The following CCDC158 variants were observed in gnomAD, a reference collection of about 807,000 sequenced individuals.
CCDC158 encodes coiled-coil domain-containing protein 158.
Under a neutral mutation model 138.6 loss-of-function variants are expected in CCDC158, and 116 were observed. The ratio of observed to expected loss-of-function variants is 0.84; its 90% CI spans 0.72 to 0.98. The LOEUF (loss-of-function observed/expected upper bound fraction) is 0.98. CCDC158 is among the 50% of genes least tolerant of loss of function. The pLI is 0.00. For missense variants in CCDC158, 1,265 were observed against 1,306.1 expected (o/e 0.97, Z 0.48); for synonymous variants, 436 against 442.4 (o/e 0.99, Z 0.18).
intron 15 of CCDC158, among the ~76,000 whole-genome samples, chr4:76,354,503 ATCT>A (rs1394119116): frequency 2.0e-5 from 3 of 152,268 alleles, no homozygotes; most frequent in South Asian, 2.1e-4. Context: ...TCTGTTATAA[ATCT>A]TCTTCTGAAA....
chr4:76,403,910 G>A (rs1296705488), intron 2 of CCDC158, among the ~76,000 whole-genome samples: 1 of 152,136 alleles, frequency 6.6e-6, no homozygotes, highest in East Asian at 1.9e-4. Flanking sequence ...AAATGGGAGG[G>A]AAGAGGTAAG....
chr4:76,370,644 G>A (rs897311704), intron 10 of CCDC158, among the ~76,000 whole-genome samples: 1 of 152,184 alleles, frequency 6.6e-6, no homozygotes, highest in Admixed American at 6.5e-5. Context: ...GAGAGGTGGT[G>A]ATGGTAAGAA....
intron 12 of CCDC158, 41 bp from the exon 13 acceptor site, chr4:76,362,356 AT>A (rs1724232626): frequency 1.4e-6 from 2 of 1,438,890 alleles, no homozygotes; most frequent in Non-Finnish European, 1.9e-6. Context: ...GAAGTAAAAA[AT>A]ATGTACATGT....
chr4:76,414,181 C>T (rs1483352105), intron 1 of CCDC158: 1 of 152,136 alleles, frequency 6.6e-6, no homozygotes, highest in Non-Finnish European at 1.5e-5. Flanking sequence ...AGTGCTAGGA[C>T]AGGGATAAGC....
chr4:76,323,630 T>C (rs552441798), intron 23 of CCDC158, among the ~76,000 whole-genome samples: 1 of 152,254 alleles, frequency 6.6e-6, no homozygotes, highest in African/African-American at 2.4e-5. Flanking sequence ...GCCTATTTGA[T>C]TGTGCTCAAA....
chr4:76,388,919 A>G (rs1727065563), intron 4 of CCDC158, among the ~76,000 whole-genome samples: 1 of 152,214 alleles, frequency 6.6e-6, no homozygotes, highest in African/African-American at 2.4e-5. Flanking sequence ...CAGTATCCCT[A>G]TGAGTCTGCA....
intron 2 of CCDC158, among the ~76,000 whole-genome samples, chr4:76,408,885 G>C (rs924549329): frequency 6.6e-6 from 1 of 152,162 alleles, no homozygotes; most frequent in African/African-American, 2.4e-5. Context: ...CATTCTAACT[G>C]GTGTGAGATG....
At chr4:76,355,046 A>C (rs1723409508) in intron 15 of CCDC158, among the ~76,000 whole-genome samples, 1 of 152,194 alleles carries the variant, frequency 6.6e-6, no homozygotes. Flanking sequence ...TTTTACAAAC[A>C]TGTATGTCAC....
At chr4:76,344,830 A>G in intron 18 of CCDC158, 1 of 1,597,250 alleles carries the variant, frequency 6.3e-7, no homozygotes, top group Non-Finnish European at 8.6e-7. Context: ...AAACCGGGAG[A>G]GGGTGAAGGG....
Position 76,367,563 on chromosome 4 carries a change from T to C in CCDC158, c.1561A>G (p.Lys521Glu). 1 of 1,614,212 alleles carries C rather than the reference T, an allele frequency of 6.2e-7. No homozygotes were observed. Among genetic ancestry groups the C allele is most frequent in the Non-Finnish European group, 8.5e-7 (1 of 1,180,034 alleles). The stretch of plus-strand genomic sequence containing the variant: ...TTCAAGTCCACCCGGGAGCGGAGCT[T>C]TGTGATCTCTGCATTGGTAGCCTCG... ...AIEATNAEITKLRSRVDLKLQ... is the reference protein window; with the variant it reads ...AIEATNAEITELRSRVDLKLQ... Residue 521 changes from lysine (K) to glutamate (E), a missense_variant, in exon 12 of 25, where the codon AAG becomes GAG. Lys to Glu is a moderately conservative substitution (Grantham distance 56). Coordinates refer to ENST00000682701, the MANE Select transcript of CCDC158 (RefSeq NM_001394954.1).
At chr4:76,351,525 G>C (rs1723037253) in intron 17 of CCDC158, among the ~76,000 whole-genome samples, 195 bp downstream of exon 17, 1 of 152,058 alleles carries the variant, frequency 6.6e-6, no homozygotes, top group African/African-American at 2.4e-5. Flanking sequence ...AAGGATAGTG[G>C]TGCTTCTATT....
At chr4:76,383,469 C>T (rs985129717) in intron 7 of CCDC158, among the ~76,000 whole-genome samples, 193 bp downstream of exon 7, 3 of 152,128 alleles carry the variant, frequency 2.0e-5, no homozygotes, top group Admixed American at 1.3e-4. Flanking sequence ...CTATTGTAAT[C>T]ATCTCAAATG....
intron 15 of CCDC158, 133 bp from the exon 16 acceptor site, chr4:76,353,414 CT>C: frequency 1.5e-6 from 1 of 657,334 alleles, no homozygotes. Flanking sequence ...TTAATTGCTT[CT>C]GAGTTGTGGT....
chr4:76,409,995 T>C (rs1729167030), intron 2 of CCDC158, among the ~76,000 whole-genome samples: 2 of 152,002 alleles, frequency 1.3e-5, no homozygotes, highest in African/African-American at 2.4e-5. Flanking sequence ...CTTTGTTATA[T>C]AGCTGAGATA....
At chr4:76,399,609 G>C (rs1194699304) in intron 3 of CCDC158, among the ~76,000 whole-genome samples, 4 of 152,208 alleles carry the variant, frequency 2.6e-5, no homozygotes, top group African/African-American at 9.7e-5. Context: ...AGAGTGAATG[G>C]ATGGTGAGAA....
intron 18 of CCDC158, among the ~76,000 whole-genome samples, chr4:76,348,487 G>A (rs1298711917): frequency 6.7e-6 from 1 of 148,648 alleles, no homozygotes; most frequent in African/African-American, 2.5e-5. Context: ...TAAGGGCAGA[G>A]CCCTTATGAC....
At chr4:76,372,720 T>C (rs1268928817) in intron 9 of CCDC158, among the ~76,000 whole-genome samples, 1 of 152,234 alleles carries the variant, frequency 6.6e-6, no homozygotes, top group African/African-American at 2.4e-5. Context: ...TAATATAAAA[T>C]GGGAATAAAA....
At chr4:76,414,231 CAT>C (rs1267680701) in intron 1 of CCDC158, 1 of 152,160 alleles carries the variant, frequency 6.6e-6, no homozygotes, top group African/African-American at 2.4e-5. Context: ...AACATTTCTG[CAT>C]ATATGTTTAC....
chr4:76,385,438 T>C, intron 4 of CCDC158, among the ~76,000 whole-genome samples: 1 of 152,090 alleles, frequency 6.6e-6, no homozygotes, highest in East Asian at 1.9e-4. Context: ...CAAGAGACAT[T>C]ATCAGCATAA....
Sources: allele counts gnomAD v4.1 joint callset (sites outside exome capture counted in the v4.1 genomes callset), GRCh38; gene constraint gnomAD v4.1.1; transcripts MANE v1.5; gene names NCBI Gene and HGNC (gene_info 2026-07-23, HGNC 2026-07-21).